Variants in COL13A1 observed in about 807,000 individuals in gnomAD.
COL13A1 encodes the protein collagen type XIII alpha 1 chain.
Under a neutral mutation model 130.9 loss-of-function variants are expected in COL13A1, and 89 were observed. The ratio of observed to expected loss-of-function variants is 0.68; its 90% CI spans 0.57 to 0.81. COL13A1 has a LOEUF of 0.81. Ranked by LOEUF, COL13A1 falls within the 30% of genes least tolerant of loss-of-function variation. COL13A1 has a pLI of 0.00. For missense variants in COL13A1, 879 were observed against 934.6 expected (o/e 0.94, Z 0.78); for synonymous variants, 402 against 341.6 (o/e 1.18, Z -1.95).
At chr10:69,906,814 C>T (rs1233848515) in intron 17 of COL13A1, among the ~76,000 whole-genome samples, 1 of 151,798 alleles carries the variant, frequency 6.6e-6, no homozygotes, top group African/African-American at 2.4e-5. Context: ...CACTGCAACC[C>T]CCGCCTCCCA....
intron 39 of COL13A1, chr10:69,955,280 T>C (rs532945028): frequency 1.3e-5 from 2 of 152,424 alleles, no homozygotes; most frequent in South Asian, 4.1e-4. Flanking sequence ...GCATGCTTCC[T>C]GTCCCTGCTG....
At chr10:69,806,995 A>G (rs1300178406) in intron 1 of COL13A1, among the ~76,000 whole-genome samples, 2 of 152,208 alleles carry the variant, frequency 1.3e-5, no homozygotes, top group Non-Finnish European at 2.9e-5. Flanking sequence ...CGACAGAGCA[A>G]GACTCCGTCT....
chr10:69,887,866 C>A (rs887747326), intron 8 of COL13A1, among the ~76,000 whole-genome samples: 18 of 152,146 alleles, frequency 1.2e-4, no homozygotes, highest in Admixed American at 9.8e-4. Context: ...GAGGGGGAGG[C>A]AGAGGGGTGG....
intron 2 of COL13A1, among the ~76,000 whole-genome samples, chr10:69,828,183 G>A (rs1847962778): frequency 1.3e-5 from 2 of 152,066 alleles, no homozygotes; most frequent in East Asian, 1.9e-4. Flanking sequence ...CCTCCTGTTC[G>A]ATTGCTGTTC....
chr10:69,811,453 A>C (rs12220889), intron 1 of COL13A1, among the ~76,000 whole-genome samples: 24,081 of 152,188 alleles, frequency 0.16, 2,019 homozygotes, highest in Admixed American at 0.26. Flanking sequence ...GGGATGAAGA[A>C]AGGGGGCTGG....
intron 17 of COL13A1, among the ~76,000 whole-genome samples, chr10:69,913,430 G>A (rs762976513): frequency 1.4e-4 from 21 of 152,204 alleles, no homozygotes; most frequent in Admixed American, 6.5e-5. Context: ...ATGAGTGAGT[G>A]GATGGAAACT....
At chr10:69,812,195 G>A (rs1843236175) in intron 1 of COL13A1, among the ~76,000 whole-genome samples, 1 of 152,184 alleles carries the variant, frequency 6.6e-6, no homozygotes, top group South Asian at 2.1e-4. Context: ...TGCAGCCCTT[G>A]TCACTCTCTC....
intron 26 of COL13A1, among the ~76,000 whole-genome samples, chr10:69,926,475 C>T (rs574211512): frequency 6.6e-6 from 1 of 152,330 alleles, no homozygotes; most frequent in East Asian, 1.9e-4. Flanking sequence ...GCTGTGACAA[C>T]CAAACTATGT....
At chr10:69,928,426 CTT>C (rs2065663458) in intron 27 of COL13A1, among the ~76,000 whole-genome samples, 1 of 152,210 alleles carries the variant, frequency 6.6e-6, no homozygotes, top group Non-Finnish European at 1.5e-5. Flanking sequence ...TCTTTTGTCT[CTT>C]CTAGAGCTTC....
In COL13A1 at chr10:69,922,709, G is replaced by A; in HGVS notation, c.1145G>A (p.Gly382Glu). 1 of 1,603,976 alleles carries A rather than the reference G, an allele frequency of 6.2e-7. No homozygotes were observed. Among genetic ancestry groups the A allele is most frequent in the Non-Finnish European group, 8.5e-7 (1 of 1,175,806 alleles). ...GCTAACTCCACCTTCCACCCCCAGG[G>A]AGAGAAAGGCGATGCTGGCAACTCC... is the stretch of plus-strand genomic sequence containing the variant. The part of the protein sequence containing the change: ...PGLPGLLGQK[G>E]EKGDAGNSIG... The change falls in exon 23 of 41, where the codon GGA (glycine) becomes GAA (glutamate). Residue 382 changes from glycine (G) to glutamate (E), a missense_variant and splice_region_variant. By Grantham distance (98) the Gly-to-Glu change is moderately conservative (BLOSUM62 -2). This residue lies in a region of COL13A1 where 715 missense variants were observed against 721.0 expected (regional missense o/e 0.99). Transcript: ENST00000645393.
chr10:69,951,906 G>A lies in COL13A1; in HGVS notation c.2059-976G>A, dbSNP rs113654481. Among the ~76,000 whole-genome samples, 656 of 152,236 alleles carry A rather than the reference G, an allele frequency of 4.3e-3. 5 individuals carry two copies. The highest frequency in any genetic ancestry group is 0.015 in the African/African-American group (609 of 41,532). ...GGGAGCTCCCAGGAAGACTCCCTAG[G>A]GGCATACTGAGCCCCCTTTTTAGGA... On this transcript the variant is annotated intron_variant, in intron 38 of 40. Coordinates refer to ENST00000645393, the MANE Select transcript of COL13A1 (RefSeq NM_001368882.1).
At chr10:69,859,405 A>T (rs1345564291) in intron 2 of COL13A1, among the ~76,000 whole-genome samples, 5 of 152,232 alleles carry the variant, frequency 3.3e-5, no homozygotes, top group African/African-American at 1.2e-4. Flanking sequence ...GAGGGGTGGC[A>T]TTCGACATGA....
chr10:69,935,893 C>A (rs1207612789), intron 32 of COL13A1, among the ~76,000 whole-genome samples: 1 of 150,786 alleles, frequency 6.6e-6, no homozygotes, highest in Non-Finnish European at 1.5e-5. Context: ...CATCTGTAAT[C>A]CCAGCTACTC....
At chr10:69,957,129 T>G in intron 40 of COL13A1, 87 bp downstream of exon 40, 1 of 1,203,782 alleles carries the variant, frequency 8.3e-7, no homozygotes, top group Non-Finnish European at 1.2e-6. Flanking sequence ...TTGCTACAGA[T>G]GAGGCAGCAA....
At chr10:69,952,804 T>G (rs1487193257) in intron 38 of COL13A1, 78 bp from the exon 39 acceptor site, 17 of 1,008,854 alleles carry the variant, frequency 1.7e-5, no homozygotes, top group Non-Finnish European at 2.5e-5. Context: ...TTATTTTTCT[T>G]TTTCTGTCTT....
chr10:69,847,597 T>C (rs571422843), intron 2 of COL13A1, among the ~76,000 whole-genome samples: 2 of 152,332 alleles, frequency 1.3e-5, no homozygotes, highest in South Asian at 4.1e-4. Context: ...AATGTGGCTA[T>C]GGCCTACAGA....
At chr10:69,831,657 G>A (rs2132944261) in intron 2 of COL13A1, among the ~76,000 whole-genome samples, 1 of 152,296 alleles carries the variant, frequency 6.6e-6, no homozygotes, top group East Asian at 1.9e-4. Context: ...TGAAGGATTT[G>A]CTTTTATGCC....
intron 37 of COL13A1, among the ~76,000 whole-genome samples, chr10:69,946,125 C>T (rs2068497125): frequency 6.6e-6 from 1 of 151,024 alleles, no homozygotes; most frequent in Admixed American, 6.6e-5. Context: ...GGGCCTGGAG[C>T]ACAAATCCAG....
intron 13 of COL13A1, among the ~76,000 whole-genome samples, chr10:69,896,364 G>A (rs1395969223): frequency 6.6e-6 from 1 of 152,146 alleles, no homozygotes; most frequent in African/African-American, 2.4e-5. Context: ...GCTTCCTCCA[G>A]TAGGAGCCCC....
Sources: gnomAD v4.1 joint callset for allele counts (sites outside exome capture counted in the v4.1 genomes callset) on GRCh38, gnomAD v4.1.1 for gene constraint, gnomAD v4.1.1 regional missense constraint, MANE v1.5 for transcripts, NCBI Gene and HGNC (gene_info 2026-07-23, HGNC 2026-07-21) for gene names.